The following BEND7 variants were observed in gnomAD, a reference collection of about 807,000 sequenced individuals.
BEND7 encodes the protein BEN domain containing 7, also known as BEN domain-containing protein 7.
In BEND7, 28 loss-of-function variants were observed where a neutral mutation model predicts 50.9. The ratio of observed to expected loss-of-function variants is 0.55; its 90% CI spans 0.41 to 0.75. The LOEUF (loss-of-function observed/expected upper bound fraction) is 0.75, where lower values mean the gene tolerates loss of function less well. BEND7 is among the 30% of genes least tolerant of loss of function. BEND7 has a pLI of 0.00. For synonymous variants in BEND7, 170 were observed against 183.9 expected, an observed-to-expected ratio of 0.92 and a Z score of 0.61; for missense variants, 477 against 491.3, an observed-to-expected ratio of 0.97 and a Z score of 0.28.
intron 8 of BEND7, chr10:13,446,010 A>C (rs1425919712): frequency 2.0e-5 from 3 of 152,200 alleles, no homozygotes; most frequent in Non-Finnish European, 1.5e-5. Context: ...ATATTCAGAG[A>C]ATGACAAATT....
In BEND7 at chr10:13,501,383, A is replaced by G. The variant is rs1004724441; in HGVS notation, c.146-1303T>C. On this transcript the variant is annotated intron_variant, in intron 2 of 8. Transcript: ENST00000466271. ...GAGTGAAACTCCATCTCAAAAAAAA[A>G]AAAAAAAAAAAAGAAAAAGAAAATA... is the stretch of plus-strand genomic sequence containing the variant. 2.1e-3 allele frequency among the ~76,000 whole-genome samples: 323 copies of G among 150,812 alleles called. 1 individual carries two copies. Among genetic ancestry groups the G allele is most frequent in the Non-Finnish European group, 3.3e-3 (225 of 67,246 alleles).
Position 13,514,995 on chromosome 10 carries a change from A to G in BEND7, c.145+11143T>C, listed in dbSNP as rs536449921. On this transcript the variant is annotated intron_variant, in intron 2 of 8. Transcript: ENST00000466271. ...TATTGCATCAACTTTTTCTATAAAA[A>G]TAAATTGTTAAGGATATTATTCCTG... 1.1e-4 allele frequency among the ~76,000 whole-genome samples: 16 copies of G among 152,358 alleles called. No homozygotes were observed. The East Asian group carries it at 3.1e-3, about 29-fold the overall frequency.
intron 2 of BEND7, among the ~76,000 whole-genome samples, chr10:13,522,776 T>C (rs1589077065): frequency 6.6e-6 from 1 of 151,980 alleles, no homozygotes; most frequent in Admixed American, 6.5e-5. Context: ...TTAAGTGGAG[T>C]GTTCAAAGCT....
chr10:13,492,506 T>TA lies in BEND7; in HGVS notation c.837+104dup, dbSNP rs1251097075. 28 of 1,395,544 alleles carry TA rather than the reference T, an allele frequency of 2.0e-5. No individual in the cohort carries two copies. In the African/African-American group the frequency reaches 3.4e-4, roughly 17 times the overall value. The allele number at this position is 1,395,544 out of a possible 1,614,324, so 86.4% of individuals were successfully genotyped here. A position where few individuals can be genotyped will look rare whatever the true frequency, so the allele number is the denominator to read the frequency against. On this transcript the variant is annotated intron_variant, in intron 5 of 8. Transcript: ENST00000466271. ...GTCTTCTTTTCTTCTTTCCCACATATAGTCTGCAAGTTTCTCTAGTTGTCA... is the reference window on the plus strand; with the variant it reads ...GTCTTCTTTTCTTCTTTCCCACATATAAGTCTGCAAGTTTCTCTAGTTGTCA...
chr10:13,469,436 A>G (rs2074581492), intron 6 of BEND7, among the ~76,000 whole-genome samples: 1 of 152,222 alleles, frequency 6.6e-6, no homozygotes, highest in Non-Finnish European at 1.5e-5. Context: ...ACAGGCAGCC[A>G]AAATCGATTA....
intron 6 of BEND7, among the ~76,000 whole-genome samples, chr10:13,464,027 G>C (rs1386819003): frequency 1.3e-5 from 2 of 152,254 alleles, no homozygotes; most frequent in African/African-American, 4.8e-5. Context: ...GGTAACAAGA[G>C]ATCTTGGCAA....
chr10:13,505,510 C>T (rs1157203837), intron 2 of BEND7, among the ~76,000 whole-genome samples: 1 of 152,212 alleles, frequency 6.6e-6, no homozygotes, highest in Admixed American at 6.5e-5. Context: ...CTCTGGCCTG[C>T]GTGTGTGTGG....
downstream of BEND7, chr10:13,439,050 G>A (rs1226860447): frequency 6.3e-6 from 6 of 957,064 alleles, no homozygotes; most frequent in South Asian, 1.0e-4. Context: ...GGGCAAAGGG[G>A]AGAGAGGGCA....
At chr10:13,460,432 C>T (rs1338559170) in intron 6 of BEND7, among the ~76,000 whole-genome samples, 1 of 152,102 alleles carries the variant, frequency 6.6e-6, no homozygotes, top group African/African-American at 2.4e-5. Flanking sequence ...TAAAGCCTTG[C>T]TCTCTCTCTC....
intron 6 of BEND7, among the ~76,000 whole-genome samples, chr10:13,457,732 A>G (rs1839299317): frequency 6.6e-6 from 1 of 152,228 alleles, no homozygotes; most frequent in East Asian, 1.9e-4. Flanking sequence ...TTGGGGAGAC[A>G]GAATGCATTT....
chr10:13,449,205 A>G (rs1300242268), intron 7 of BEND7, among the ~76,000 whole-genome samples: 2 of 152,130 alleles, frequency 1.3e-5, no homozygotes, highest in Admixed American at 6.5e-5. Context: ...AACATATGTT[A>G]TGTTTATATT....
At chr10:13,525,697 A>G (rs527278243) in intron 2 of BEND7, among the ~76,000 whole-genome samples, 21 of 152,240 alleles carry the variant, frequency 1.4e-4, no homozygotes, top group Non-Finnish European at 2.5e-4. Flanking sequence ...ATAAGACAGC[A>G]CATTAATCCT....
chr10:13,505,485 TG>T (rs1469455604), intron 2 of BEND7, among the ~76,000 whole-genome samples: 5 of 152,186 alleles, frequency 3.3e-5, no homozygotes, highest in African/African-American at 7.2e-5. Context: ...CCAGGCCACA[TG>T]GGGCAGACAC....
At chr10:13,439,437 A>G, downstream of BEND7, 3 of 1,614,108 alleles carry the variant, frequency 1.9e-6, no homozygotes, top group South Asian at 3.3e-5. Context: ...TGAGCTCTGC[A>G]AGACTAGGGT....
At chr10:13,492,935 T>C in intron 4 of BEND7, 59 bp from the exon 5 acceptor site, 1 of 1,555,168 alleles carries the variant, frequency 6.4e-7, no homozygotes, top group Non-Finnish European at 8.7e-7. Context: ...GGAAAACTTA[T>C]CTCCGGTCTA....
intron 6 of BEND7, among the ~76,000 whole-genome samples, chr10:13,455,115 T>A (rs1297568997): frequency 1.3e-5 from 2 of 151,932 alleles, no homozygotes; most frequent in Admixed American, 6.6e-5. Context: ...GAGGTTGCAG[T>A]GAGCCGAGAA....
intron 6 of BEND7, among the ~76,000 whole-genome samples, chr10:13,453,069 T>C (rs1032484785): frequency 6.6e-6 from 1 of 152,238 alleles, no homozygotes; most frequent in African/African-American, 2.4e-5. Flanking sequence ...CACGAAAAGA[T>C]GGTCTTTCTC....
intron 5 of BEND7, among the ~76,000 whole-genome samples, chr10:13,488,100 A>G (rs1317348761): frequency 6.6e-6 from 1 of 151,612 alleles, no homozygotes; most frequent in Non-Finnish European, 1.5e-5. Context: ...AAAAAAAAAA[A>G]AAAAAAGCAA....
chr10:13,450,085 G>C (rs1425295215), intron 7 of BEND7, among the ~76,000 whole-genome samples: 1 of 152,202 alleles, frequency 6.6e-6, no homozygotes, highest in African/African-American at 2.4e-5. Context: ...ACCAGGAAAG[G>C]AATCACTGGA....
Sources: allele counts gnomAD v4.1 joint callset (sites outside exome capture counted in the v4.1 genomes callset), GRCh38; gene constraint gnomAD v4.1.1; transcripts MANE v1.5; gene names NCBI Gene and HGNC (gene_info 2026-07-23, HGNC 2026-07-21).